TRPM3: variants seen among roughly 807,000 people sequenced by gnomAD.
The protein encoded by TRPM3 is transient receptor potential cation channel subfamily M member 3, also known as long transient receptor potential channel 3.
A neutral mutation model predicts 181.2 loss-of-function variants in TRPM3; 77 were observed. That is an observed-to-expected ratio of 0.42 (90% CI 0.35 to 0.51). The LOEUF (loss-of-function observed/expected upper bound fraction) is 0.51. Ranked by LOEUF, TRPM3 falls within the 20% of genes least tolerant of loss-of-function variation. The pLI is 0.01. For synonymous variants in TRPM3, 745 were observed against 796.4 expected (o/e 0.94, Z 1.09); for missense variants, 1,759 against 2,196.7 (o/e 0.80, Z 3.98).
At chr9:70,773,289 T>C (rs1018411866) in intron 7 of TRPM3, among the ~76,000 whole-genome samples, 12 of 152,300 alleles carry the variant, frequency 7.9e-5, no homozygotes, top group African/African-American at 2.6e-4. Context: ...GACCACTCTC[T>C]AGCTTTGAGA....
intron 1 of TRPM3, among the ~76,000 whole-genome samples, chr9:70,930,790 A>T (rs1029553648): frequency 1.3e-5 from 2 of 152,174 alleles, no homozygotes; most frequent in Non-Finnish European, 2.9e-5. Context: ...AACACTGTTT[A>T]TTTTAAATGT....
intron 1 of TRPM3, among the ~76,000 whole-genome samples, chr9:71,198,609 T>C (rs1478065752): frequency 6.6e-6 from 1 of 151,654 alleles, no homozygotes; most frequent in East Asian, 1.9e-4. Flanking sequence ...GTTGGATTCC[T>C]AGGTATTTTA....
intron 1 of TRPM3, among the ~76,000 whole-genome samples, chr9:71,040,573 T>C (rs920767337): frequency 1.3e-5 from 2 of 152,208 alleles, no homozygotes; most frequent in Non-Finnish European, 2.9e-5. Flanking sequence ...AACATCAGCA[T>C]TTGGCAACCA....
At chr9:71,359,458 C>G (rs182703736) in intron 1 of TRPM3, among the ~76,000 whole-genome samples, 2 of 152,308 alleles carry the variant, frequency 1.3e-5, no homozygotes, top group East Asian at 3.9e-4. Context: ...CTTAATTCAT[C>G]TCATTTAAAC....
At chr9:71,094,324 A>T (rs1319716385) in intron 1 of TRPM3, among the ~76,000 whole-genome samples, 2 of 152,182 alleles carry the variant, frequency 1.3e-5, no homozygotes, top group Non-Finnish European at 2.9e-5. Context: ...TTTGCCAACC[A>T]TTGTACTAGG....
At chr9:70,937,236 G>A (rs1255418280) in intron 1 of TRPM3, among the ~76,000 whole-genome samples, 1 of 152,188 alleles carries the variant, frequency 6.6e-6, no homozygotes, top group Non-Finnish European at 1.5e-5. Flanking sequence ...GAAACAGACA[G>A]TGAGGTTAGA....
intron 1 of TRPM3, among the ~76,000 whole-genome samples, chr9:71,109,976 T>C (rs1337114412): frequency 1.3e-5 from 2 of 152,208 alleles, no homozygotes; most frequent in Admixed American, 6.6e-5. Flanking sequence ...TTTCAGTCCC[T>C]GTACATTTCA....
chr9:70,610,340 G>A (rs1481714500), intron 19 of TRPM3, among the ~76,000 whole-genome samples: 1 of 152,154 alleles, frequency 6.6e-6, no homozygotes, highest in Non-Finnish European at 1.5e-5. Context: ...TTCCTGTTAG[G>A]CAAGACTCAT....
intron 1 of TRPM3, among the ~76,000 whole-genome samples, chr9:70,958,394 C>A (rs954965340): frequency 2.0e-5 from 3 of 152,152 alleles, no homozygotes; most frequent in Admixed American, 6.6e-5. Context: ...TACAGTCCCA[C>A]CAACAGTGTA....
Position 70,554,596 on chromosome 9 carries a change from A to C in TRPM3, c.3224-1286T>G, listed in dbSNP as rs559253534. Among the ~76,000 whole-genome samples the C allele has an allele frequency of 6.6e-5, 10 of 152,294 alleles. 1 individual carries two copies. Among genetic ancestry groups the C allele is most frequent in the African/African-American group, 2.2e-4 (9 of 41,550 alleles). On this transcript the variant is annotated intron_variant, in intron 22 of 25. Coordinates refer to ENST00000677713, the MANE Select transcript of TRPM3 (RefSeq NM_001366145.2). ...TGCCCAGCTTGGCTCCAGACAATTG[A>C]ATCAGAATCCCTGAGGGTGCCCCAG...
chr9:70,683,990 G>C (rs1018052235), intron 8 of TRPM3, among the ~76,000 whole-genome samples: 2 of 152,172 alleles, frequency 1.3e-5, no homozygotes, highest in African/African-American at 4.8e-5. Context: ...GCAAGCTGAG[G>C]ACACTCAGGA....
At chr9:71,302,790 A>AAAGG (rs1169582214) in intron 1 of TRPM3, among the ~76,000 whole-genome samples, 5 of 152,030 alleles carry the variant, frequency 3.3e-5, no homozygotes, top group Non-Finnish European at 7.4e-5. Context: ...CTAAAAAAAA[A>AAAGG]AAGGAAGGAA....
At chr9:71,055,883 G>C (rs1290945905) in intron 1 of TRPM3, among the ~76,000 whole-genome samples, 1 of 151,976 alleles carries the variant, frequency 6.6e-6, no homozygotes, top group African/African-American at 2.4e-5. Flanking sequence ...TGCTTTCCCA[G>C]CCCAACATCT....
intron 8 of TRPM3, among the ~76,000 whole-genome samples, chr9:70,751,069 G>A (rs1475116560): frequency 6.6e-6 from 1 of 151,798 alleles, no homozygotes; most frequent in South Asian, 2.1e-4. Context: ...AATTTAAAAT[G>A]TATTCAGGGT....
chr9:70,880,995 G>A (rs1047232344), intron 1 of TRPM3, among the ~76,000 whole-genome samples: 3 of 152,014 alleles, frequency 2.0e-5, no homozygotes, highest in Non-Finnish European at 2.9e-5. Flanking sequence ...CCTATCTCTT[G>A]TTACTTCACA....
intron 1 of TRPM3, among the ~76,000 whole-genome samples, chr9:71,255,601 G>A (rs975446675): frequency 2.0e-5 from 3 of 152,108 alleles, no homozygotes; most frequent in African/African-American, 7.2e-5. Context: ...ATATTATTTT[G>A]CCTGATGATG....
intron 1 of TRPM3, among the ~76,000 whole-genome samples, chr9:71,426,287 CTTTTT>C (rs11431412): frequency 1.2e-4 from 18 of 147,618 alleles, no homozygotes; most frequent in African/African-American, 4.5e-4. Flanking sequence ...CCCAGCAACT[CTTTTT>C]TTTTTTAATT....
At chr9:71,081,478 G>A (rs1297657748) in intron 1 of TRPM3, among the ~76,000 whole-genome samples, 1 of 152,148 alleles carries the variant, frequency 6.6e-6, no homozygotes, top group Non-Finnish European at 1.5e-5. Flanking sequence ...ACGTAAAAGT[G>A]CTTATTCAAT....
intron 1 of TRPM3, among the ~76,000 whole-genome samples, chr9:71,243,278 CCTCTCAAAGTG>C (rs1588110021): frequency 6.6e-6 from 1 of 152,092 alleles, no homozygotes; most frequent in Non-Finnish European, 1.5e-5. Context: ...CTGACCTCAG[CCTCTCAAAGTG>C]CTGGGATTAC....
Sources: gnomAD v4.1 joint callset for allele counts (sites outside exome capture counted in the v4.1 genomes callset) on GRCh38, gnomAD v4.1.1 for gene constraint, MANE v1.5 for transcripts, NCBI Gene and HGNC (gene_info 2026-07-23, HGNC 2026-07-21) for gene names.